The following WDR27 variants were observed in gnomAD, a reference collection of about 807,000 sequenced individuals.
WDR27 encodes WD repeat domain 27.
A neutral mutation model predicts 114.4 loss-of-function variants in WDR27; 100 were observed. That is an observed-to-expected ratio of 0.87 (90% CI 0.74 to 1.03). WDR27 has a LOEUF of 1.03. WDR27 is among the 50% of genes least tolerant of loss of function. The probability of loss-of-function intolerance (pLI) is 0.00; values close to 1 mark genes in which losing one functional copy is unlikely to be tolerated. For missense variants in WDR27, 1,129 were observed against 1,092.9 expected, an observed-to-expected ratio of 1.03 and a Z score of -0.47; for synonymous variants, 449 against 423.1, an observed-to-expected ratio of 1.06 and a Z score of -0.75.
intron 13 of WDR27, among the ~76,000 whole-genome samples, chr6:169,653,496 C>T (rs965179871): frequency 2.0e-5 from 3 of 152,034 alleles, no homozygotes; most frequent in Non-Finnish European, 4.4e-5. Context: ...TCAGTCTTTA[C>T]CACATAAACA....
intron 24 of WDR27, among the ~76,000 whole-genome samples, chr6:169,582,076 C>T (rs560869547): frequency 3.9e-5 from 6 of 152,230 alleles, no homozygotes; most frequent in African/African-American, 7.2e-5. Flanking sequence ...CAGGTTCAAG[C>T]GATTCTCCTG....
chr6:169,624,154 G>A (rs553119837), intron 21 of WDR27, among the ~76,000 whole-genome samples: 51 of 151,554 alleles, frequency 3.4e-4, no homozygotes, highest in Non-Finnish European at 5.9e-4. Context: ...CGTGTGGGGC[G>A]TCAGGTGTGT....
At chr6:169,624,153 C>T (rs534982827) in intron 21 of WDR27, among the ~76,000 whole-genome samples, 4 of 123,870 alleles carry the variant, frequency 3.2e-5, no homozygotes, top group East Asian at 4.8e-4. Flanking sequence ...CCGTGTGGGG[C>T]GTCAGGTGTG....
intron 2 of WDR27, 93 bp from the exon 3 acceptor site, chr6:169,672,489 G>T: frequency 7.9e-7 from 1 of 1,273,740 alleles, no homozygotes; most frequent in South Asian, 1.7e-5. Flanking sequence ...TTAAAAGATT[G>T]AGTTTTTCAA....
chr6:169,540,334 TCTTAAA>T (rs912333215), intron 25 of WDR27, among the ~76,000 whole-genome samples: 40 of 152,230 alleles, frequency 2.6e-4, no homozygotes, highest in Admixed American at 3.3e-4. Context: ...TCTTTTGTTT[TCTTAAA>T]CTTATTTTTC....
At chr6:169,627,351 T>A (rs1006086941) in intron 21 of WDR27, among the ~76,000 whole-genome samples, 24 of 152,136 alleles carry the variant, frequency 1.6e-4, no homozygotes, top group Non-Finnish European at 3.1e-4. Flanking sequence ...CGGCTTGAAG[T>A]GTTCTAAAAA....
At chr6:169,624,251 A>G (rs1814200088) in intron 21 of WDR27, among the ~76,000 whole-genome samples, 1 of 148,596 alleles carries the variant, frequency 6.7e-6, no homozygotes, top group Non-Finnish European at 1.5e-5. Flanking sequence ...GTGGGGCGTC[A>G]GGTGCGCAGT....
chr6:169,500,880 G>A lies in WDR27; in HGVS notation c.2646-43246C>T, dbSNP rs973974405. 7.2e-5 allele frequency among the ~76,000 whole-genome samples: 11 copies of A among 152,210 alleles called. No homozygotes were observed. In the East Asian group the frequency reaches 1.9e-3, roughly 27 times the overall value. ...GCGAGCTGCGCTAGCCCAGGGCCCCGTGCAGGGCAGGACACTTGCACGACC... is the reference window on the plus strand; with the variant it reads ...GCGAGCTGCGCTAGCCCAGGGCCCCATGCAGGGCAGGACACTTGCACGACC... On this transcript the variant is annotated intron_variant, in intron 25 of 25. Transcript: ENST00000448612.
At chr6:169,643,582 C>G (rs964438916) in intron 17 of WDR27, 115 bp downstream of exon 17, 1 of 772,138 alleles carries the variant, frequency 1.3e-6, no homozygotes, top group East Asian at 2.8e-5. Flanking sequence ...CAAGCCATGG[C>G]TTTGGTTTGC....
At chr6:169,543,068 G>T (rs1435512703) in intron 25 of WDR27, among the ~76,000 whole-genome samples, 1 of 151,904 alleles carries the variant, frequency 6.6e-6, no homozygotes, top group Non-Finnish European at 1.5e-5. Context: ...GAGAAGGAAG[G>T]AATATGAATA....
intron 6 of WDR27, chr6:169,666,691 A>C (rs1827912266): frequency 1.0e-6 from 1 of 987,054 alleles, no homozygotes; most frequent in Non-Finnish European, 1.2e-6. Context: ...GAACGCAAGG[A>C]CCCTGGCATT....
rs746006969 is a variant in WDR27, at chr6:169,672,240, T to C, written c.331+15A>G. ...TTTGCAGGTTTTTAAAAACATGTTT[T>C]AGATTTTCATTTACCTTGAAGTACT... On this transcript the variant is annotated intron_variant, in intron 3 of 25. Transcript: ENST00000448612. 1.2e-6 allele frequency: 2 copies of C among 1,610,818 alleles called. No homozygotes were observed. Among genetic ancestry groups the C allele is most frequent in the Non-Finnish European group, 1.7e-6 (2 of 1,178,610 alleles).
intron 23 of WDR27, among the ~76,000 whole-genome samples, chr6:169,591,934 A>G (rs1170048213): frequency 6.6e-6 from 1 of 151,472 alleles, no homozygotes; most frequent in Non-Finnish European, 1.5e-5. Flanking sequence ...CTCTCCACCC[A>G]GGGAGTTCTG....
At chr6:169,592,243 T>TTTGTTG (rs938237414) in intron 23 of WDR27, among the ~76,000 whole-genome samples, 1 of 151,944 alleles carries the variant, frequency 6.6e-6, no homozygotes, top group East Asian at 1.9e-4. Context: ...CTACTGGCAT[T>TTTGTTG]TTGTTGTTGT....
chr6:169,587,860 T>C (rs967644460), intron 23 of WDR27, among the ~76,000 whole-genome samples: 1 of 152,224 alleles, frequency 6.6e-6, no homozygotes, highest in African/African-American at 2.4e-5. Flanking sequence ...CACTATTTCT[T>C]ACACTGGATT....
chr6:169,649,918 C>A (rs1329100114), intron 14 of WDR27, among the ~76,000 whole-genome samples: 1 of 150,196 alleles, frequency 6.7e-6, no homozygotes, highest in Non-Finnish European at 1.5e-5. Context: ...ATCCAGCCAC[C>A]CATGCAGCCA....
the WDR27 span, among the ~76,000 whole-genome samples, chr6:169,432,733 G>A: frequency 6.6e-6 from 1 of 152,046 alleles, no homozygotes; most frequent in African/African-American, 2.4e-5. Context: ...TGTGAAAATC[G>A]ACTAATACAG....
At chr6:169,462,633 A>C (rs939887758) in intron 25 of WDR27, among the ~76,000 whole-genome samples, 2 of 152,222 alleles carry the variant, frequency 1.3e-5, no homozygotes, top group Non-Finnish European at 2.9e-5. Flanking sequence ...TTCCTATCTC[A>C]TTCCCCCAAT....
At chr6:169,460,750 G>A (rs1409526254) in intron 25 of WDR27, among the ~76,000 whole-genome samples, 1 of 152,152 alleles carries the variant, frequency 6.6e-6, no homozygotes, top group Non-Finnish European at 1.5e-5. Context: ...ACATACTCAA[G>A]TCCCATAGTT....
Sources: gnomAD v4.1 joint callset for allele counts (sites outside exome capture counted in the v4.1 genomes callset) on GRCh38, gnomAD v4.1.1 for gene constraint, MANE v1.5 for transcripts, NCBI Gene and HGNC (gene_info 2026-07-23, HGNC 2026-07-21) for gene names.